The following ATP7B variants were observed in gnomAD, a reference collection of about 807,000 sequenced individuals.
ATP7B encodes the protein ATPase copper transporting beta, also known as copper-transporting ATPase 2.
A neutral mutation model predicts 118.9 loss-of-function variants in ATP7B; 113 were observed. That is an observed-to-expected ratio of 0.95 (90% CI 0.82 to 1.11). The LOEUF is 1.11. Among genes scored for constraint, ATP7B ranks in the 50% most tolerant of loss-of-function variants. The pLI is 0.00. For synonymous variants in ATP7B, 777 were observed against 727.4 expected, an observed-to-expected ratio of 1.07 and a Z score of -1.10; for missense variants, 1,867 against 1,871.4, an observed-to-expected ratio of 1.00 and a Z score of 0.04.
chr13:52,006,516 T>TTCAGGCTTTTCAGCCACCTTTGG lies in ATP7B; in HGVS notation c.51+4748_51+4770dup, dbSNP rs1593879912. Reference sequence around the variant, plus strand: ...TAGAAGACCCAACTTACAGTTCTTTTTCAGGCTTTTCAGCCACCTTTGGTC... The same window carrying TTCAGGCTTTTCAGCCACCTTTGG: ...TAGAAGACCCAACTTACAGTTCTTTTTCAGGCTTTTCAGCCACCTTTGGTCAGGCTTTTCAGCCACCTTTGGTC... On this transcript the variant is annotated intron_variant, in intron 1 of 20. Coordinates refer to ENST00000242839, the MANE Select transcript of ATP7B (RefSeq NM_000053.4). Among the ~76,000 whole-genome samples, 10 of 152,302 alleles carry TTCAGGCTTTTCAGCCACCTTTGG rather than the reference T, an allele frequency of 6.6e-5. No homozygotes were observed. The South Asian group carries it at 2.1e-3, about 32-fold the overall frequency.
chr13:51,957,690 T>TA, intron 8 of ATP7B, 83 bp from the exon 9 acceptor site: 1 of 1,358,038 alleles, frequency 7.4e-7, no homozygotes, highest in Admixed American at 1.7e-5. Context: ...AGCGTGGTGT[T>TA]AGAGACAGCT....
chr13:51,939,595 T>C (rs61957449), intron 16 of ATP7B, among the ~76,000 whole-genome samples: 6,501 of 152,316 alleles, frequency 0.043, 217 homozygotes, highest in South Asian at 0.11. Context: ...ATGTCCAAAC[T>C]AGAAAATCAA....
intron 1 of ATP7B, among the ~76,000 whole-genome samples, chr13:51,997,061 G>A (rs1953245513): frequency 6.6e-6 from 1 of 152,236 alleles, no homozygotes; most frequent in African/African-American, 2.4e-5. Context: ...GGGAGCCCAT[G>A]TAAATACATC....
At chr13:52,006,921 A>T (rs1953799552) in intron 1 of ATP7B, among the ~76,000 whole-genome samples, 1 of 152,132 alleles carries the variant, frequency 6.6e-6, no homozygotes, top group South Asian at 2.1e-4. Context: ...TGTACCATGT[A>T]GACAGCTCTG....
At chr13:51,940,367 T>C (rs900754207) in intron 16 of ATP7B, among the ~76,000 whole-genome samples, 3 of 141,790 alleles carry the variant, frequency 2.1e-5, no homozygotes, top group Admixed American at 2.1e-4. Context: ...ATAAAGCAGA[T>C]AGAAGGGCAG....
At chr13:51,941,850 C>CAT (rs397741082) in intron 15 of ATP7B, among the ~76,000 whole-genome samples, 1 of 151,760 alleles carries the variant, frequency 6.6e-6, no homozygotes, top group Non-Finnish European at 1.5e-5. Context: ...ACTACCAACA[C>CAT]TTAGGAAAAA....
chr13:51,958,370 T>C lies in ATP7B; in HGVS notation c.2296A>G (p.Thr766Ala). 2 of 1,614,128 alleles carry C rather than the reference T, an allele frequency of 1.2e-6. No homozygotes were observed. The highest frequency in any genetic ancestry group is 1.7e-6 in the Non-Finnish European group (2 of 1,180,020). ...AERSPVTFFD[T>A]PPMLFVFIAL... Reference sequence around the variant, plus strand: ...ATGAACACAAAGAGCATGGGGGGCGTGTCGAAGAATGTCACAGGGCTCCTC... The same window carrying C: ...ATGAACACAAAGAGCATGGGGGGCGCGTCGAAGAATGTCACAGGGCTCCTC... The change falls in exon 8 of 21, where the codon ACG (threonine) becomes GCG (alanine). Residue 766 changes from threonine to alanine, a missense_variant. Transcript: ENST00000242839.
At chr13:51,953,816 T>C (rs1958157456) in intron 9 of ATP7B, among the ~76,000 whole-genome samples, 2 of 136,962 alleles carry the variant, frequency 1.5e-5, no homozygotes, top group African/African-American at 5.3e-5. Context: ...GTCACTGGTC[T>C]AGATATGATT....
At chr13:51,997,508 C>A (rs913100325) in intron 1 of ATP7B, among the ~76,000 whole-genome samples, 4 of 152,114 alleles carry the variant, frequency 2.6e-5, no homozygotes, top group African/African-American at 9.7e-5. Flanking sequence ...CCATTCAAAC[C>A]ATTTCTAGAT....
intron 1 of ATP7B, among the ~76,000 whole-genome samples, chr13:52,007,029 T>A (rs150840733): frequency 7.0e-4 from 107 of 152,262 alleles, no homozygotes; most frequent in Admixed American, 1.0e-3. Context: ...CCATAATGTT[T>A]GTGGACTGAA....
intron 4 of ATP7B, chr13:51,966,897 C>T (rs1951578337): frequency 6.2e-7 from 1 of 1,612,866 alleles, no homozygotes; most frequent in Non-Finnish European, 8.5e-7. Context: ...GCAGAAACCT[C>T]ACCACAAAAA....
intron 1 of ATP7B, 117 bp downstream of exon 1, chr13:52,011,170 G>A: frequency 6.9e-7 from 1 of 1,448,200 alleles, no homozygotes; most frequent in Non-Finnish European, 9.7e-7. Flanking sequence ...CTGGAGCTGG[G>A]GTCTGGCTCG....
intron 12 of ATP7B, among the ~76,000 whole-genome samples, chr13:51,948,768 C>G (rs1324607115): frequency 1.3e-5 from 2 of 152,086 alleles, no homozygotes; most frequent in African/African-American, 4.8e-5. Context: ...CTTTCTTTTT[C>G]TGAGGTTTAA....
intron 4 of ATP7B, among the ~76,000 whole-genome samples, chr13:51,968,035 A>G (rs1327607589): frequency 6.6e-6 from 1 of 152,190 alleles, no homozygotes; most frequent in Non-Finnish European, 1.5e-5. Flanking sequence ...GGCACTTTCT[A>G]CCACATGGAC....
rs934876137 is a variant in ATP7B at position 51,954,977 on chromosome 13, A to G, written c.2447+2539T>C. On this transcript the variant is annotated intron_variant, in intron 9 of 20. Coordinates refer to ENST00000242839, the MANE Select transcript of ATP7B (RefSeq NM_000053.4). ...AAGGAAAAAGGAGAGAAGAAAGCCC[A>G]TGGAGACTAAGCAGCAGCAGCAGCA... is the stretch of plus-strand genomic sequence containing the variant. Among the ~76,000 whole-genome samples the G allele has an allele frequency of 5.9e-5, 9 of 152,348 alleles. No individual in the cohort carries two copies. The East Asian group carries it at 1.7e-3, about 29-fold the overall frequency.
At chr13:51,986,091 T>G (rs1190519653) in intron 1 of ATP7B, among the ~76,000 whole-genome samples, 1 of 151,882 alleles carries the variant, frequency 6.6e-6, no homozygotes, top group Admixed American at 6.6e-5. Context: ...GATAGACACA[T>G]GAAAAACCTT....
At chr13:51,968,420 C>T (rs1218836227) in intron 4 of ATP7B, 24 bp downstream of exon 4, 1 of 1,614,166 alleles carries the variant, frequency 6.2e-7, no homozygotes, top group Middle Eastern at 1.6e-4. Context: ...GCCTGTAACC[C>T]CGTAACGCAC....
At chr13:51,983,746 T>C (rs1253696803) in intron 1 of ATP7B, among the ~76,000 whole-genome samples, 1 of 152,224 alleles carries the variant, frequency 6.6e-6, no homozygotes, top group Non-Finnish European at 1.5e-5. Context: ...CTGTAGCCTC[T>C]GCTGGTGATA....
At chr13:52,006,316 C>A (rs368828253) in intron 1 of ATP7B, among the ~76,000 whole-genome samples, 2 of 152,142 alleles carry the variant, frequency 1.3e-5, no homozygotes, top group African/African-American at 4.8e-5. Context: ...ATGTGTGTCA[C>A]GTAAAGAAGC....
Sources: allele counts gnomAD v4.1 joint callset (sites outside exome capture counted in the v4.1 genomes callset), GRCh38; gene constraint gnomAD v4.1.1; transcripts MANE v1.5; gene names NCBI Gene and HGNC (gene_info 2026-07-23, HGNC 2026-07-21).